The following FLNB variants were observed in gnomAD, a reference collection of about 807,000 sequenced individuals.
FLNB encodes the protein filamin-B.
A neutral mutation model predicts 250.6 loss-of-function variants in FLNB; 111 were observed. The ratio of observed to expected loss-of-function variants is 0.44; its 90% CI spans 0.38 to 0.52. The LOEUF (loss-of-function observed/expected upper bound fraction) is 0.52. Among genes scored for constraint, FLNB ranks in the 20% least tolerant of loss-of-function variants. The pLI is 0.00. For synonymous variants in FLNB, 1,302 were observed against 1,372.1 expected, an observed-to-expected ratio of 0.95 and a Z score of 1.13; for missense variants, 2,869 against 3,447.8, an observed-to-expected ratio of 0.83 and a Z score of 4.20.
In FLNB at chr3:58,154,798, C is replaced by A. The variant is rs140786324; in HGVS notation, c.6642C>A (p.Phe2214Leu). 1 of 1,613,866 alleles carries A rather than the reference C, an allele frequency of 6.2e-7. No homozygotes were observed. Among genetic ancestry groups the A allele is most frequent in the Non-Finnish European group, 8.5e-7 (1 of 1,180,004 alleles). Residue 2214 changes from phenylalanine (F) to leucine (L), a missense_variant, in exon 40 of 46, where the codon TTC becomes TTA. This residue lies in a region of FLNB where 1,084 missense variants were observed against 1,315.5 expected (regional missense o/e 0.82). Transcript: ENST00000295956. ...GTTTCTCTTTGCTCTCAGCTGAGTTCAGCATTTGGACCCGGGAAGCAGGCG... is the reference window on the plus strand; with the variant it reads ...GTTTCTCTTTGCTCTCAGCTGAGTTAAGCATTTGGACCCGGGAAGCAGGCG... ...ERGEAGVPAEFSIWTREAGAG... is the reference protein window; with the variant it reads ...ERGEAGVPAELSIWTREAGAG...
chr3:58,052,194 C>T (rs1055675747), intron 1 of FLNB, among the ~76,000 whole-genome samples: 3 of 152,114 alleles, frequency 2.0e-5, no homozygotes, highest in Non-Finnish European at 4.4e-5. Context: ...AGCCTCGACT[C>T]GCTTTATTAT....
In FLNB at chr3:58,139,195, C is replaced by T. The variant is rs140494300; in HGVS notation, c.5109+666C>T. ...TTATTATTACATAATAGATCTTCTT[C>T]TGAATATTCTTCAACCAGGAAAAGG... On this transcript the variant is annotated intron_variant, in intron 29 of 45. Transcript: ENST00000295956. Among the ~76,000 whole-genome samples, 626 of 152,328 alleles carry T rather than the reference C, an allele frequency of 4.1e-3. 5 individuals carry two copies. Among genetic ancestry groups the T allele is most frequent in the African/African-American group, 0.014 (569 of 41,566 alleles).
intron 1 of FLNB, among the ~76,000 whole-genome samples, chr3:58,065,025 G>A (rs1397540938): frequency 6.6e-6 from 1 of 152,108 alleles, no homozygotes; most frequent in Non-Finnish European, 1.5e-5. Context: ...GGGTGACAGA[G>A]CAAGACCCCG....
intron 4 of FLNB, among the ~76,000 whole-genome samples, chr3:58,082,931 A>G (rs1559680526): frequency 6.6e-6 from 1 of 152,210 alleles, no homozygotes; most frequent in Non-Finnish European, 1.5e-5. Flanking sequence ...GTTCATGTGT[A>G]TGATTGCTGA....
chr3:58,045,999 C>CAAAAAAAAAAAAAA (rs34327981), intron 1 of FLNB, among the ~76,000 whole-genome samples: 1 of 68,972 alleles, frequency 1.4e-5, no homozygotes, highest in Non-Finnish European at 2.6e-5. Context: ...ACTCCGTCTC[C>CAAAAAAAAAAAAAA]AAAAAAAAAA....
chr3:58,113,893 G>A (rs2097273288), intron 18 of FLNB, among the ~76,000 whole-genome samples: 2 of 152,092 alleles, frequency 1.3e-5, no homozygotes, highest in South Asian at 4.2e-4. Context: ...TGGCCAGGCT[G>A]GTCTCCAACT....
chr3:58,169,812 T>TA lies in FLNB; in HGVS notation c.7621+19_7621+20insA. ...AAAGCTGGTAGGTGTCTGGGCCTTT[T>TA]CAAGGGTGGGGTGGGGCAGGGGCAG... On this transcript the variant is annotated intron_variant, in intron 45 of 45. Transcript: ENST00000295956. This position sits in a 1 kb window ranked among gnomAD's most constrained non-coding sequence, Gnocchi z 4.8. The TA allele has an allele frequency of 2.7e-6, 2 of 743,062 alleles. No individual in the cohort carries two copies. The highest frequency in any genetic ancestry group is 4.6e-6 in the Non-Finnish European group (2 of 439,440). The allele number at this position is 743,062 out of a possible 1,614,324, so 46.0% of individuals were successfully genotyped here. A position where few individuals can be genotyped will look rare whatever the true frequency, so the allele number is the denominator to read the frequency against.
In FLNB at chr3:58,094,845, C is replaced by T. The variant is rs757322226; in HGVS notation, c.797C>T (p.Pro266Leu). Residue 266 changes from proline (P) to leucine (L), a missense_variant, in exon 5 of 46, where the codon CCC (proline) becomes CTC (leucine). Pro to Leu is a moderately conservative substitution (Grantham distance 98, BLOSUM62 -3). Coordinates refer to ENST00000295956, the MANE Select transcript of FLNB (RefSeq NM_001457.4). Reference protein sequence around the residue: ...KARAYGRGIEPTGNMVKQPAK... With the variant: ...KARAYGRGIELTGNMVKQPAK... The stretch of plus-strand genomic sequence containing the variant: ...TGTAAACCTGTGGCAGGAATCGAGC[C>T]CACTGGAAACATGGTGAAGCAGCCA... 1.2e-6 allele frequency: 2 copies of T among 1,613,996 alleles called. No individual in the cohort carries two copies. The highest frequency in any genetic ancestry group is 2.2e-5 in the South Asian group (2 of 91,072).
Position 58,153,386 on chromosome 3 carries a change from A to G in FLNB, c.6379A>G (p.Ser2127Gly). The change falls in exon 39 of 46, where the codon AGT becomes GGT. Residue 2127 changes from serine to glycine, a missense_variant. Ser to Gly is a moderately conservative substitution (Grantham distance 56, BLOSUM62 0). This residue lies in a region of FLNB where 1,084 missense variants were observed against 1,315.5 expected (regional missense o/e 0.82). Transcript: ENST00000295956. ...LNLKIPEINS[S>G]DMSAHVTSPS... Reference sequence around the variant, plus strand: ...CCTCCCTCTTTCAGAAATCAACAGCAGTGATATGTCGGCCCACGTCACCAG... The same window carrying G: ...CCTCCCTCTTTCAGAAATCAACAGCGGTGATATGTCGGCCCACGTCACCAG... 2 of 1,614,192 alleles carry G rather than the reference A, an allele frequency of 1.2e-6. No individual in the cohort carries two copies. Among genetic ancestry groups the G allele is most frequent in the Non-Finnish European group, 1.7e-6 (2 of 1,180,040 alleles).
chr3:58,021,132 C>T (rs1345312953), intron 1 of FLNB, among the ~76,000 whole-genome samples: 3 of 152,196 alleles, frequency 2.0e-5, no homozygotes, highest in African/African-American at 7.2e-5. Flanking sequence ...TCCAGGGACA[C>T]AAGAATGGTT....
chr3:58,088,035 A>AG (rs1360986731), intron 4 of FLNB, among the ~76,000 whole-genome samples: 2 of 114,530 alleles, frequency 1.7e-5, no homozygotes, highest in Non-Finnish European at 3.4e-5. Flanking sequence ...CACGGCGCCC[A>AG]GCCTTTTTTT....
At chr3:58,084,188 T>C (rs1381282683) in intron 4 of FLNB, among the ~76,000 whole-genome samples, 1 of 143,152 alleles carries the variant, frequency 7.0e-6, no homozygotes, top group African/African-American at 2.6e-5. Context: ...CGAGACTCTG[T>C]CTCAAAAAAA....
At chr3:58,120,219 G>T (rs1341758893) in intron 19 of FLNB, among the ~76,000 whole-genome samples, 6 of 152,228 alleles carry the variant, frequency 3.9e-5, no homozygotes, top group African/African-American at 1.4e-4. Context: ...GGCTTTTGTG[G>T]CTGGAGCAGC....
intron 10 of FLNB, among the ~76,000 whole-genome samples, chr3:58,104,299 T>C (rs1323526716): frequency 6.6e-6 from 1 of 151,876 alleles, no homozygotes; most frequent in Non-Finnish European, 1.5e-5. Context: ...AATCAAATGC[T>C]GGTGGTTAGG....
rs567577746 is a variant in FLNB at position 58,106,490 on chromosome 3, A to G, written c.1748-190A>G. Among the ~76,000 whole-genome samples the G allele has an allele frequency of 3.0e-4, 46 of 151,266 alleles. No individual in the cohort carries two copies. In the South Asian group the frequency reaches 5.4e-3, roughly 18 times the overall value. On this transcript the variant is annotated intron_variant, in intron 11 of 45. Coordinates refer to ENST00000295956, the MANE Select transcript of FLNB (RefSeq NM_001457.4). ...CATTTGAAAAAAAAAAAATATATAT[A>G]TATTTTCCACCCCTTCCATCTCTAC...
intron 19 of FLNB, among the ~76,000 whole-genome samples, chr3:58,120,379 C>T (rs1044402788): frequency 3.3e-5 from 5 of 152,178 alleles, no homozygotes; most frequent in Admixed American, 1.3e-4. Flanking sequence ...AGTAGCGATC[C>T]GGGACCTCCT....
chr3:58,152,793 C>T (rs553419721), intron 38 of FLNB: 35 of 1,317,852 alleles, frequency 2.7e-5, no homozygotes, highest in South Asian at 1.2e-4. Context: ...GGCAGTGCTC[C>T]GTGCCCCGCA....
Position 58,106,858 on chromosome 3 carries a change from C to T in FLNB, c.1926C>T (p.Gly642=), listed in dbSNP as rs1389433842. 2 of 1,613,678 alleles carry T rather than the reference C, an allele frequency of 1.2e-6. No homozygotes were observed. Among genetic ancestry groups the T allele is most frequent in the Non-Finnish European group, 8.5e-7 (1 of 1,179,868 alleles). ...YMAFIHPATG[G]YNPDLVRAYG... ...CCTTCATCCACCCAGCCACGGGAGG[C>T]TACAACCCTGATCTGGTGAATCAGC... Residue 642 remains glycine (G), a synonymous_variant, in exon 12 of 46, where the codon GGC becomes GGT. Transcript: ENST00000295956.
chr3:58,117,716 C>T (rs2097281078), intron 18 of FLNB, among the ~76,000 whole-genome samples: 1 of 150,818 alleles, frequency 6.6e-6, no homozygotes, highest in South Asian at 2.1e-4. Flanking sequence ...TCACATGAGG[C>T]AGGGGGCCAA....
Sources: allele counts gnomAD v4.1 joint callset (sites outside exome capture counted in the v4.1 genomes callset), GRCh38; gene constraint gnomAD v4.1.1; regional missense constraint gnomAD v4.1.1; non-coding constraint Gnocchi (gnomAD v3.1); transcripts MANE v1.5; gene names NCBI Gene and HGNC (gene_info 2026-07-23, HGNC 2026-07-21).